The following SPATA13 variants were observed in gnomAD, a reference collection of about 807,000 sequenced individuals.
The protein encoded by SPATA13 is spermatogenesis-associated protein 13.
Under a neutral mutation model 104.0 loss-of-function variants are expected in SPATA13, and 50 were observed. The ratio of observed to expected loss-of-function variants is 0.48; its 90% CI spans 0.38 to 0.61. The LOEUF is 0.61. Ranked by LOEUF, SPATA13 falls within the 20% of genes least tolerant of loss-of-function variation. The pLI is 0.00. For missense variants in SPATA13, 1,524 were observed against 1,690.6 expected, an observed-to-expected ratio of 0.90 and a Z score of 1.73; for synonymous variants, 606 against 667.5, an observed-to-expected ratio of 0.91 and a Z score of 1.42.
Position 24,222,907 on chromosome 13 carries a change from C to T in SPATA13, c.-23C>T, listed in dbSNP as rs576014866. ...GATGAAGGCCTGGAGCTGCGGTCTG[C>T]GGACTCGGCAGTGCCCGTGGCCATG... is the stretch of plus-strand genomic sequence containing the variant. On this transcript the variant is annotated 5_prime_UTR_variant, in exon 2 of 13. Transcript: ENST00000382108. 1.9e-5 allele frequency: 30 copies of T among 1,550,232 alleles called. No homozygotes were observed. Among genetic ancestry groups the T allele is most frequent in the South Asian group, 1.7e-4 (14 of 83,926 alleles).
chr13:23,987,671 C>T (rs1279480055), intron 2 of SPATA13, among the ~76,000 whole-genome samples: 1 of 152,154 alleles, frequency 6.6e-6, no homozygotes, highest in Non-Finnish European at 1.5e-5. Flanking sequence ...TTTAAGTGTG[C>T]AGTTCAGCGG....
intron 3 of SPATA13, among the ~76,000 whole-genome samples, chr13:24,049,243 C>T (rs377304095): frequency 2.0e-5 from 3 of 152,320 alleles, no homozygotes; most frequent in African/African-American, 7.2e-5. Context: ...TGATGCCTCG[C>T]CTACAGGACA....
At chr13:24,155,349 A>G (rs956690480) in intron 3 of SPATA13, among the ~76,000 whole-genome samples, 40 of 152,220 alleles carry the variant, frequency 2.6e-4, no homozygotes, top group Non-Finnish European at 5.0e-4. Flanking sequence ...TGATAAACCA[A>G]AAATTGACAG....
intron 1 of SPATA13, among the ~76,000 whole-genome samples, chr13:24,202,823 C>T (rs1449172727): frequency 3.9e-5 from 6 of 152,012 alleles, no homozygotes; most frequent in African/African-American, 1.5e-4. Context: ...GTTATGAACA[C>T]GGCTTAGTTT....
intron 5 of SPATA13, 104 bp downstream of exon 5, chr13:24,284,375 C>A: frequency 8.0e-7 from 1 of 1,254,418 alleles, no homozygotes; most frequent in Non-Finnish European, 1.1e-6. Context: ...TAAGCATGTC[C>A]GAAAACCTGG....
intron 2 of SPATA13, among the ~76,000 whole-genome samples, chr13:24,005,447 G>A (rs1047987346): frequency 1.3e-5 from 2 of 152,152 alleles, no homozygotes; most frequent in East Asian, 1.9e-4. Context: ...CAGGACAGGA[G>A]CTCATATTTA....
At chr13:24,020,887 C>T (rs1340557234) in intron 3 of SPATA13, among the ~76,000 whole-genome samples, 3 of 152,040 alleles carry the variant, frequency 2.0e-5, no homozygotes, top group African/African-American at 7.2e-5. Flanking sequence ...ACTAAAAATA[C>T]AAAAATTAGC....
chr13:24,283,603 A>G (rs1437737467), intron 4 of SPATA13, among the ~76,000 whole-genome samples: 1 of 152,230 alleles, frequency 6.6e-6, no homozygotes, highest in African/African-American at 2.4e-5. Context: ...AAAGTACTAT[A>G]TAATTCCTCA....
intron 2 of SPATA13, among the ~76,000 whole-genome samples, chr13:24,237,819 A>G (rs1872638732): frequency 6.7e-6 from 1 of 150,070 alleles, no homozygotes; most frequent in African/African-American, 2.4e-5. Context: ...AAAAGTAGTC[A>G]AAGTAGTAGA....
chr13:24,036,672 G>A (rs1877695836), intron 3 of SPATA13, among the ~76,000 whole-genome samples: 1 of 152,066 alleles, frequency 6.6e-6, no homozygotes, highest in South Asian at 2.1e-4. Flanking sequence ...TCGCAATTCT[G>A]TGAGATCATA....
At chr13:24,050,612 G>C (rs1461283890) in intron 3 of SPATA13, among the ~76,000 whole-genome samples, 1 of 152,174 alleles carries the variant, frequency 6.6e-6, no homozygotes, top group African/African-American at 2.4e-5. Context: ...TCTCAGCCCT[G>C]GACAAGAATC....
chr13:24,137,621 G>A (rs12017690), intron 3 of SPATA13, among the ~76,000 whole-genome samples: 5,603 of 152,066 alleles, frequency 0.037, 284 homozygotes, highest in African/African-American at 0.12. Flanking sequence ...TTAGGCAAGC[G>A]TGGTACGCAT....
At position 24,224,391 on chromosome 13, in the gene SPATA13, C is replaced by T; in HGVS notation, c.1462C>T (p.His488Tyr). 1 of 1,551,686 alleles carries T rather than the reference C, an allele frequency of 6.4e-7. No homozygotes were observed. The highest frequency in any genetic ancestry group is 8.7e-7 in the Non-Finnish European group (1 of 1,146,994). The change falls in exon 2 of 13, where the codon CAC (histidine) becomes TAC (tyrosine). Residue 488 changes from histidine (H) to tyrosine (Y), a missense_variant. This residue lies in a region of SPATA13 where 1,089 missense variants were observed against 1,135.9 expected (regional missense o/e 0.96). Coordinates refer to ENST00000382108, the MANE Select transcript of SPATA13 (RefSeq NM_001166271.3). ...CCCCGGGGCAGGAAGTGCCAGCTGT[C>T]ACAGCAATCACAGTGCCCTGTCCGC... ...QSPGAGSASCHSNHSALSANS... is the reference protein window; with the variant it reads ...QSPGAGSASCYSNHSALSANS...
chr13:24,010,849 T>C (rs2137685392), intron 2 of SPATA13, among the ~76,000 whole-genome samples: 1 of 151,976 alleles, frequency 6.6e-6, no homozygotes, highest in East Asian at 2.0e-4. Flanking sequence ...TGGCAAACCA[T>C]TCCTAGAATC....
At chr13:24,166,105 C>T (rs1882722023) in intron 1 of SPATA13, among the ~76,000 whole-genome samples, 1 of 152,172 alleles carries the variant, frequency 6.6e-6, no homozygotes, top group African/African-American at 2.4e-5. Flanking sequence ...GCAGATTCTG[C>T]TATCACAAGT....
At chr13:24,129,959 A>G (rs1449904727) in intron 3 of SPATA13, among the ~76,000 whole-genome samples, 2 of 152,180 alleles carry the variant, frequency 1.3e-5, no homozygotes, top group Non-Finnish European at 2.9e-5. Flanking sequence ...GGGTGGAGAA[A>G]TTCACCTGGG....
At position 24,026,812 on chromosome 13, in the gene SPATA13, CGTG is replaced by C. The variant is rs1877237962; in HGVS notation, c.-112+9112_-112+9114del. ...CAGGATGGTCTGGATCTCCTGACCT[CGTG>C]ATCCGCCCTTGTGATCCTGACCTTG... On this transcript the variant is annotated intron_variant, in intron 3 of 14. Transcript: ENST00000424834. Among the ~76,000 whole-genome samples, 6 of 10,524 alleles carry C rather than the reference CGTG, an allele frequency of 5.7e-4. No individual in the cohort carries two copies. In the Admixed American group the frequency reaches 7.2e-3, roughly 13 times the overall value. The allele number at this position is 10,524 out of a possible 152,430, so 6.9% of individuals were successfully genotyped here. A position where few individuals can be genotyped will look rare whatever the true frequency, so the allele number is the denominator to read the frequency against.
At chr13:24,091,101 T>C (rs1285219212) in intron 3 of SPATA13, among the ~76,000 whole-genome samples, 1 of 152,232 alleles carries the variant, frequency 6.6e-6, no homozygotes, top group Non-Finnish European at 1.5e-5. Context: ...CAGCCTTTGC[T>C]GAGGGGCTCT....
intron 3 of SPATA13, among the ~76,000 whole-genome samples, chr13:24,085,886 G>T (rs999881410): frequency 6.6e-6 from 1 of 152,224 alleles, no homozygotes; most frequent in Non-Finnish European, 1.5e-5. Context: ...GAACCAGGGC[G>T]CAGCCACAGA....
Sources: gnomAD v4.1 joint callset for allele counts (sites outside exome capture counted in the v4.1 genomes callset) on GRCh38, gnomAD v4.1.1 for gene constraint, gnomAD v4.1.1 regional missense constraint, MANE v1.5 for transcripts, NCBI Gene and HGNC (gene_info 2026-07-23, HGNC 2026-07-21) for gene names.